The following BTNL9 variants were observed in gnomAD, a reference collection of about 807,000 sequenced individuals.
The protein encoded by BTNL9 is butyrophilin-like protein 9.
A neutral mutation model predicts 45.8 loss-of-function variants in BTNL9; 45 were observed. The observed-to-expected ratio is 0.98, with a 90% CI of 0.77 to 1.26. The LOEUF (loss-of-function observed/expected upper bound fraction) is 1.26, where lower values mean the gene tolerates loss of function less well. BTNL9 is among the 50% of genes most tolerant of loss of function. BTNL9 has a pLI of 0.00. For synonymous variants in BTNL9, 346 were observed against 330.8 expected (o/e 1.05, Z -0.50); for missense variants, 784 against 729.7 (o/e 1.07, Z -0.86).
In BTNL9 at chr5:181,045,493, G is replaced by A. The variant is rs1296944373; in HGVS notation, c.4G>A (p.Val2Met). The A allele has an allele frequency of 3.8e-6, 6 of 1,598,104 alleles. No homozygotes were observed. Among genetic ancestry groups the A allele is most frequent in the African/African-American group, 2.7e-5 (2 of 74,406 alleles). Residue 2 changes from valine (V) to methionine (M), a missense_variant, in exon 2 of 11, where the codon GTG becomes ATG. Physicochemically the swap from Val to Met is conservative, Grantham distance 21. Transcript: ENST00000327705. ...TGGCCCCCACTGCTGACGAGAGATG[G>A]TGGACCTCTCAGTCTCCCCAGACTC... M[V>M]DLSVSPDSLK... is the part of the protein sequence containing the mutation.
chr5:181,046,594 T>A (rs1761171022), intron 2 of BTNL9, among the ~76,000 whole-genome samples: 1 of 152,174 alleles, frequency 6.6e-6, no homozygotes, highest in Non-Finnish European at 1.5e-5. Context: ...AGCCCAGGTC[T>A]TCAGCAGTCT....
At chr5:181,054,487 T>G (rs564245856) in intron 7 of BTNL9, 1 of 985,346 alleles carries the variant, frequency 1.0e-6, no homozygotes, top group Non-Finnish European at 1.2e-6. Context: ...CCCTGCAAAT[T>G]AGACAATTCA....
chr5:181,046,309 A>C (rs1230935862), intron 2 of BTNL9, among the ~76,000 whole-genome samples: 1 of 151,234 alleles, frequency 6.6e-6, no homozygotes, highest in Non-Finnish European at 1.5e-5. Flanking sequence ...CCCAGCCTGT[A>C]GTGTTCCTCC....
chr5:181,048,797 T>TATATTATATAATTGTATTAGTTATATA (rs1561978958), intron 3 of BTNL9, among the ~76,000 whole-genome samples: 10 of 16,754 alleles, frequency 6.0e-4, no homozygotes, highest in Non-Finnish European at 1.0e-3. Flanking sequence ...TATATAGTTA[T>TATATTATATAATTGTATTAGTTATATA]ATATTATATA....
chr5:181,042,828 T>A lies in BTNL9; in HGVS notation c.-24+2396T>A, dbSNP rs1404898156. On this transcript the variant is annotated intron_variant, in intron 1 of 10. Transcript: ENST00000327705. This position sits in a 1 kb window ranked among gnomAD's most constrained non-coding sequence, Gnocchi z 4.5. ...CGGTCGCTTCTTCAGTGCCTCTGTG[T>A]GATGGCAGGTTAGGGTGAGTGTTTG... 6.6e-6 allele frequency among the ~76,000 whole-genome samples: 1 copy of A among 152,172 alleles called. No homozygotes were observed. Among genetic ancestry groups the A allele is most frequent in the African/African-American group, 2.4e-5 (1 of 41,444 alleles).
chr5:181,053,531 C>G lies in BTNL9; in HGVS notation c.886+30C>G, dbSNP rs758370894. On this transcript the variant is annotated intron_variant, in intron 6 of 10. Transcript: ENST00000327705. This position sits in a 1 kb window ranked among gnomAD's most constrained non-coding sequence, Gnocchi z 6.5. ...GCGGGGACAGGGCGTTCTGCACGCA[C>G]CTGCCCAAGTGCCAAAACCCGCCGT... 1 of 1,563,032 alleles carries G rather than the reference C, an allele frequency of 6.4e-7. No homozygotes were observed. The highest frequency in any genetic ancestry group is 8.7e-7 in the Non-Finnish European group (1 of 1,153,324).
intron 1 of BTNL9, 60 bp from the exon 2 acceptor site, chr5:181,045,407 G>A: frequency 2.3e-6 from 2 of 873,128 alleles, no homozygotes; most frequent in South Asian, 1.4e-5. Flanking sequence ...GTCTGATGGA[G>A]TGAGTTCCAG....
rs865912575 is a variant in BTNL9, at chr5:181,055,103, G to A, written c.908-330G>A. On this transcript the variant is annotated intron_variant, in intron 7 of 10. Transcript: ENST00000327705. This position sits in a 1 kb window ranked among gnomAD's most constrained non-coding sequence, Gnocchi z 4.4. ...CGGCCCTCAGTGCCTGCACTTAGGC[G>A]GGAGCTCCGCCCCAGGAAGCTTGTG... The A allele has an allele frequency of 7.9e-6, 9 of 1,133,264 alleles. No individual in the cohort carries two copies. The highest frequency in any genetic ancestry group is 3.5e-5 in the South Asian group (1 of 28,276). 70.2% of individuals were successfully genotyped at this position (1,133,264 alleles called of 1,614,324 possible). A position where few individuals can be genotyped will look rare whatever the true frequency, so the allele number is the denominator to read the frequency against.
In BTNL9 at chr5:181,051,000, T is replaced by G. The variant is rs1277627742; in HGVS notation, c.736+631T>G. On this transcript the variant is annotated intron_variant, in intron 4 of 10. Transcript: ENST00000327705. The surrounding 1 kb of genome is among the most constrained non-coding windows in gnomAD (Gnocchi z 4.9). ...TACTCGGGAGGCTGAGGCAGGAGAA[T>G]CGCTTGAACCGGGGGGCAGAGGTTG... Among the ~76,000 whole-genome samples, 1 of 148,228 alleles carries G rather than the reference T, an allele frequency of 6.7e-6. No individual in the cohort carries two copies. Among genetic ancestry groups the G allele is most frequent in the Non-Finnish European group, 1.5e-5 (1 of 67,492 alleles).
In BTNL9 at chr5:181,059,519, T is replaced by C. The variant is rs1582155291; in HGVS notation, c.1265T>C (p.Leu422Pro). 6.2e-7 allele frequency: 1 copy of C among 1,603,308 alleles called. No individual in the cohort carries two copies. The highest frequency in any genetic ancestry group is 2.2e-5 in the East Asian group (1 of 44,706). ...AGCCCTGCGGCCGGCTACTGGGTGC[T>C]GGGGCTGTGGAACGGCTGCGAGTAC... ...RLSPAAGYWV[L>P]GLWNGCEYFV... is the part of the protein sequence containing the mutation. The change falls in exon 11 of 11, where the codon CTG (leucine) becomes CCG (proline). Residue 422 changes from leucine to proline, a missense_variant. Transcript: ENST00000327705.
chr5:181,041,890 G>A (rs1269449207), intron 1 of BTNL9, among the ~76,000 whole-genome samples: 1 of 152,124 alleles, frequency 6.6e-6, no homozygotes, highest in African/African-American at 2.4e-5. Flanking sequence ...TTTTCAACTT[G>A]CCTTTGACAT....
Position 181,045,602 on chromosome 5 carries a change from T to C in BTNL9, c.109+4T>C, listed in dbSNP as rs199807644. On this transcript the variant is annotated splice_donor_region_variant and intron_variant, in intron 2 of 10. Transcript: ENST00000327705. The stretch of plus-strand genomic sequence containing the variant: ...CAGCCTGGGGAGCCGAGCTCAGGTA[T>C]TGTGTCTGCAGCCTAGCTGGCCAGG... 68 of 1,605,740 alleles carry C rather than the reference T, an allele frequency of 4.2e-5. No individual in the cohort carries two copies. The highest frequency in any genetic ancestry group is 5.7e-5 in the Non-Finnish European group (67 of 1,173,578).
intron 6 of BTNL9, chr5:181,054,036 A>G (rs934792827): frequency 6.5e-7 from 1 of 1,543,614 alleles, no homozygotes; most frequent in African/African-American, 1.4e-5. Flanking sequence ...CCTCCTATGC[A>G]GAAGGGCAGC....
At chr5:181,043,235 T>TGTGTGTCTGTGTGTGTGTGCATGG (rs1413648652) in intron 1 of BTNL9, among the ~76,000 whole-genome samples, 1 of 35,506 alleles carries the variant, frequency 2.8e-5, no homozygotes, top group Admixed American at 2.6e-4. Context: ...TGTGTCTATG[T>TGTGTGTCTGTGTGTGTGTGCATGG]GTGTGTCTGT....
intron 10 of BTNL9, 124 bp from the exon 11 acceptor site, chr5:181,059,113 G>A (rs1364837366): frequency 1.4e-6 from 2 of 1,388,196 alleles, no homozygotes; most frequent in Admixed American, 3.2e-5. Flanking sequence ...GGTGAGGGTC[G>A]GGGTAAGGGG....
chr5:181,054,751 G>C lies in BTNL9; in HGVS notation c.907+492G>C, dbSNP rs372756813. ...AAAAGGCCATCATGGTGTTGGGGTT[G>C]GGGGGGCAATTCAGATGAAACTGTA... On this transcript the variant is annotated intron_variant, in intron 7 of 10. Transcript: ENST00000327705. 21 of 984,730 alleles carry C rather than the reference G, an allele frequency of 2.1e-5. No individual in the cohort carries two copies. The Admixed American group carries it at 1.2e-3, about 58-fold the overall frequency. 61.0% of individuals were successfully genotyped at this position (984,730 alleles called of 1,614,324 possible). A position where few individuals can be genotyped will look rare whatever the true frequency, so the allele number is the denominator to read the frequency against.
Position 181,060,277 on chromosome 5 carries a change from G to A in BTNL9, c.*415G>A, listed in dbSNP as rs1453232327. On this transcript the variant is annotated 3_prime_UTR_variant, in exon 11 of 11. Transcript: ENST00000327705. ...AAAGGTCGAGATGCAATAACACTTCGTAAGCAACGAGTTCACCTAAGTAAG... is the reference window on the plus strand; with the variant it reads ...AAAGGTCGAGATGCAATAACACTTCATAAGCAACGAGTTCACCTAAGTAAG... 1 of 163,214 alleles carries A rather than the reference G, an allele frequency of 6.1e-6. No individual in the cohort carries two copies. Among genetic ancestry groups the A allele is most frequent in the Non-Finnish European group, 1.3e-5 (1 of 75,982 alleles). 10.1% of individuals were successfully genotyped at this position (163,214 alleles called of 1,614,324 possible).
chr5:181,051,611 C>T (rs1761543576), intron 4 of BTNL9, among the ~76,000 whole-genome samples: 1 of 152,146 alleles, frequency 6.6e-6, no homozygotes, highest in African/African-American at 2.4e-5. Flanking sequence ...GCTAAACTCC[C>T]ATGAGACAGG....
rs1226890536 is a variant in BTNL9 at position 181,060,011 on chromosome 5, G to A, written c.*149G>A. 1 of 708,118 alleles carries A rather than the reference G, an allele frequency of 1.4e-6. No individual in the cohort carries two copies. Among genetic ancestry groups the A allele is most frequent in the Non-Finnish European group, 2.3e-6 (1 of 437,552 alleles). 43.9% of individuals were successfully genotyped at this position (708,118 alleles called of 1,614,324 possible). A position where few individuals can be genotyped will look rare whatever the true frequency, so the allele number is the denominator to read the frequency against. On this transcript the variant is annotated 3_prime_UTR_variant, in exon 11 of 11. Coordinates refer to ENST00000327705, the MANE Select transcript of BTNL9 (RefSeq NM_152547.5). ...GAGAGGGACCTTTGCCTACGTAGAT[G>A]TGTATGTGTAGTGCGATTTTCTTCA...
Sources: allele counts gnomAD v4.1 joint callset (sites outside exome capture counted in the v4.1 genomes callset), GRCh38; gene constraint gnomAD v4.1.1; non-coding constraint Gnocchi (gnomAD v3.1); transcripts MANE v1.5; gene names NCBI Gene and HGNC (gene_info 2026-07-23, HGNC 2026-07-21).